Variants in DOK6 observed in about 807,000 individuals in gnomAD.
DOK6 encodes the protein downstream of tyrosine kinase 6.
DOK6 carries 22 observed loss-of-function variants against 44.0 expected under a neutral mutation model. The ratio of observed to expected loss-of-function variants is 0.50; its 90% CI spans 0.36 to 0.71. The LOEUF (loss-of-function observed/expected upper bound fraction) is 0.71. Ranked by LOEUF, DOK6 falls within the 30% of genes least tolerant of loss-of-function variation. DOK6 has a pLI of 0.00. For synonymous variants in DOK6, 166 were observed against 145.5 expected (o/e 1.14, Z -1.01); for missense variants, 340 against 416.4 (o/e 0.82, Z 1.60).
chr18:69,760,268 A>G (rs1044567216), intron 7 of DOK6, among the ~76,000 whole-genome samples: 1 of 152,178 alleles, frequency 6.6e-6, no homozygotes, highest in Non-Finnish European at 1.5e-5. Flanking sequence ...AGGAAGAAAT[A>G]AAAAGAGAAA....
At chr18:69,535,444 G>T (rs1982095970) in intron 1 of DOK6, among the ~76,000 whole-genome samples, 1 of 151,730 alleles carries the variant, frequency 6.6e-6, no homozygotes, top group Non-Finnish European at 1.5e-5. Context: ...CACTTTTTAT[G>T]TAGACAATAT....
In DOK6 at chr18:69,843,860, C is replaced by G. The variant is rs1263225706; in HGVS notation, c.*2477C>G. ...TCTATCTCATGGTACATTTTTGGAG[C>G]TTAATTCTAGCATACTCCTCCAAGT... On this transcript the variant is annotated 3_prime_UTR_variant, in exon 8 of 8. Coordinates refer to ENST00000382713, the MANE Select transcript of DOK6 (RefSeq NM_152721.6). 1 of 152,108 alleles carries G rather than the reference C, an allele frequency of 6.6e-6. No individual in the cohort carries two copies. Among genetic ancestry groups the G allele is most frequent in the Non-Finnish European group, 1.5e-5 (1 of 68,030 alleles). 9.4% of individuals were successfully genotyped at this position (152,108 alleles called of 1,614,324 possible).
intron 1 of DOK6, among the ~76,000 whole-genome samples, chr18:69,486,492 G>A (rs1980581413): frequency 6.6e-6 from 1 of 152,100 alleles, no homozygotes; most frequent in South Asian, 2.1e-4. Flanking sequence ...TTTCAACCTA[G>A]ACAATAAATC....
At position 69,613,571 on chromosome 18, in the gene DOK6, C is replaced by T. The variant is rs1429108002; in HGVS notation, c.289+14073C>T. ...AAATTAATACTTTGTCATTCCTTTCCTATGAGCGGTTCTATTGAGGATCCA... is the reference window on the plus strand; with the variant it reads ...AAATTAATACTTTGTCATTCCTTTCTTATGAGCGGTTCTATTGAGGATCCA... On this transcript the variant is annotated intron_variant, in intron 3 of 7. Transcript: ENST00000382713. Among the ~76,000 whole-genome samples the T allele has an allele frequency of 3.3e-5, 5 of 151,984 alleles. No homozygotes were observed. The East Asian group carries it at 9.6e-4, about 29-fold the overall frequency.
intron 7 of DOK6, among the ~76,000 whole-genome samples, chr18:69,786,151 TA>T (rs1270016841): frequency 6.6e-6 from 1 of 152,094 alleles, no homozygotes. Context: ...CTTGAAAAAA[TA>T]AATCAAAACT....
At chr18:69,456,233 C>T (rs1979629907) in intron 1 of DOK6, among the ~76,000 whole-genome samples, 2 of 151,954 alleles carry the variant, frequency 1.3e-5, no homozygotes, top group Non-Finnish European at 2.9e-5. Flanking sequence ...GGTACTTGGG[C>T]AGGTTTGTTA....
At chr18:69,473,423 A>T (rs1980171719) in intron 1 of DOK6, among the ~76,000 whole-genome samples, 1 of 152,250 alleles carries the variant, frequency 6.6e-6, no homozygotes, top group South Asian at 2.1e-4. Flanking sequence ...CAATGGTGAT[A>T]TCATGTTCCC....
chr18:69,579,457 G>C (rs1983312655), intron 2 of DOK6, among the ~76,000 whole-genome samples: 1 of 152,104 alleles, frequency 6.6e-6, no homozygotes, highest in African/African-American at 2.4e-5. Flanking sequence ...GGGTATAATG[G>C]AAACTGTCTT....
chr18:69,832,305 T>C (rs1167382287), intron 7 of DOK6, among the ~76,000 whole-genome samples: 3 of 152,148 alleles, frequency 2.0e-5, no homozygotes, highest in African/African-American at 7.2e-5. Flanking sequence ...TTAGTTTTAG[T>C]CCTTGATTTT....
At chr18:69,706,052 C>T (rs1053286481) in intron 5 of DOK6, among the ~76,000 whole-genome samples, 7 of 152,130 alleles carry the variant, frequency 4.6e-5, no homozygotes, top group South Asian at 2.1e-4. Flanking sequence ...TGGTCTCAAG[C>T]GAGAGAACTT....
intron 5 of DOK6, among the ~76,000 whole-genome samples, chr18:69,727,262 T>C (rs932845999): frequency 6.6e-6 from 1 of 152,088 alleles, no homozygotes; most frequent in African/African-American, 2.4e-5. Context: ...ACACCAAGAA[T>C]AGGGTTTCAA....
Position 69,736,567 on chromosome 18 carries a change from C to T in DOK6, c.600-2398C>T, listed in dbSNP as rs181977262. On this transcript the variant is annotated intron_variant, in intron 5 of 7. Transcript: ENST00000382713. Reference sequence around the variant, plus strand: ...CTAGTTTGAAGTCAGGACAAACACACGTCATCCATATTTTCCCTGTTTCAC... The same window carrying T: ...CTAGTTTGAAGTCAGGACAAACACATGTCATCCATATTTTCCCTGTTTCAC... Among the ~76,000 whole-genome samples the T allele has an allele frequency of 2.2e-3, 331 of 152,182 alleles. 3 individuals are homozygous for T. Among genetic ancestry groups the T allele is most frequent in the African/African-American group, 7.6e-3 (317 of 41,542 alleles).
intron 4 of DOK6, among the ~76,000 whole-genome samples, chr18:69,697,437 C>A (rs1986413022): frequency 6.6e-6 from 1 of 151,818 alleles, no homozygotes; most frequent in African/African-American, 2.4e-5. Flanking sequence ...TTTTGTAATT[C>A]TTCAATTCTT....
chr18:69,709,734 T>C (rs532237694), intron 5 of DOK6, among the ~76,000 whole-genome samples: 7 of 152,332 alleles, frequency 4.6e-5, no homozygotes, highest in African/African-American at 1.4e-4. Flanking sequence ...AAAAAAGATA[T>C]TTTTCTTGTT....
chr18:69,676,073 C>CTGG (rs1985915715), intron 3 of DOK6, among the ~76,000 whole-genome samples: 2 of 152,222 alleles, frequency 1.3e-5, no homozygotes, highest in African/African-American at 4.8e-5. Flanking sequence ...TCTGACTCCA[C>CTGG]TCAAGTGAGG....
chr18:69,677,939 A>G, intron 4 of DOK6, 86 bp downstream of exon 4: 1 of 1,495,596 alleles, frequency 6.7e-7, no homozygotes, highest in Non-Finnish European at 8.9e-7. Context: ...GAAATGTTTC[A>G]GACCAATCAT....
At chr18:69,619,795 T>C (rs1984397811) in intron 3 of DOK6, among the ~76,000 whole-genome samples, 1 of 152,194 alleles carries the variant, frequency 6.6e-6, no homozygotes, top group African/African-American at 2.4e-5. Flanking sequence ...ACCATAAACT[T>C]ATCGTGGTGT....
At chr18:69,486,625 A>G (rs2144535624) in intron 1 of DOK6, among the ~76,000 whole-genome samples, 1 of 152,250 alleles carries the variant, frequency 6.6e-6, no homozygotes, top group Non-Finnish European at 1.5e-5. Flanking sequence ...ATTTTGTTGA[A>G]GGTTTTATTT....
At chr18:69,673,642 T>C (rs1178394449) in intron 3 of DOK6, among the ~76,000 whole-genome samples, 1 of 152,216 alleles carries the variant, frequency 6.6e-6, no homozygotes, top group African/African-American at 2.4e-5. Flanking sequence ...TAGTCTCCAT[T>C]TGTCTTATTA....
Sources: gnomAD v4.1 joint callset for allele counts (sites outside exome capture counted in the v4.1 genomes callset) on GRCh38, gnomAD v4.1.1 for gene constraint, MANE v1.5 for transcripts, NCBI Gene and HGNC (gene_info 2026-07-23, HGNC 2026-07-21) for gene names.